Variants in DNAJB2 observed in about 807,000 individuals in gnomAD.
DNAJB2 encodes dnaJ homolog subfamily B member 2.
A neutral mutation model predicts 33.3 loss-of-function variants in DNAJB2; 19 were observed. The observed-to-expected ratio is 0.57, with a 90% CI of 0.40 to 0.84. The LOEUF (loss-of-function observed/expected upper bound fraction) is 0.84. Ranked by LOEUF, DNAJB2 falls within the 40% of genes least tolerant of loss-of-function variation. The pLI is 0.00. For missense variants in DNAJB2, 368 were observed against 430.9 expected (o/e 0.85, Z 1.29); for synonymous variants, 172 against 164.6 (o/e 1.04, Z -0.34).
chr2:219,283,395 C>G (rs1178957979), intron 7 of DNAJB2, 24 bp from the exon 8 acceptor site: 4 of 1,612,676 alleles, frequency 2.5e-6, no homozygotes, highest in Non-Finnish European at 3.4e-6. Flanking sequence ...CTGCTCGTTG[C>G]CTGAACTGTG....
intron 3 of DNAJB2, chr2:219,281,491 G>A (rs946741606): frequency 2.0e-5 from 12 of 585,788 alleles, no homozygotes; most frequent in East Asian, 2.8e-5. Context: ...AACCCTGTGC[G>A]GTAGGTGTTG....
chr2:219,282,398 G>C (rs1951913757), intron 5 of DNAJB2: 1 of 385,686 alleles, frequency 2.6e-6, no homozygotes, highest in Admixed American at 4.3e-5. Flanking sequence ...ATTTTTTAAT[G>C]ATAGATATGT....
At chr2:219,282,253 TG>T (rs1212744164) in intron 5 of DNAJB2, 192 bp downstream of exon 5, 1 of 723,932 alleles carries the variant, frequency 1.4e-6, no homozygotes, top group Non-Finnish European at 2.3e-6. Flanking sequence ...AATCCAACAG[TG>T]ACACTTCACA....
chr2:219,281,571 A>T, intron 3 of DNAJB2, 147 bp from the exon 4 acceptor site: 1 of 984,924 alleles, frequency 1.0e-6, no homozygotes, highest in Non-Finnish European at 1.5e-6. Flanking sequence ...CTAAACCTAT[A>T]GCCCGTGTCC....
chr2:219,286,315 G>A lies in DNAJB2; in HGVS notation c.*1328G>A. ...CATCTTGGGACATGTAGTAGCCCAG[G>A]TCGGCTTGTCACTCGCTGTGAGATG... On this transcript the variant is annotated 3_prime_UTR_variant, in exon 9 of 9. Transcript: ENST00000336576. 2.8e-6 allele frequency: 1 copy of A among 352,910 alleles called. No homozygotes were observed. Among genetic ancestry groups the A allele is most frequent in the Non-Finnish European group, 5.3e-6 (1 of 190,326 alleles). 21.9% of individuals were successfully genotyped at this position (352,910 alleles called of 1,614,324 possible). A position where few individuals can be genotyped will look rare whatever the true frequency, so the allele number is the denominator to read the frequency against.
At position 219,282,057 on chromosome 2, in the gene DNAJB2, C is replaced by G. The variant is rs1373489992; in HGVS notation, c.348C>G (p.Leu116=). ...GGAGTGGAGACCCTTTTGCAGAGCT[C>G]TTTGGTGAGTGGACTCTGGAAGCCT... is the stretch of plus-strand genomic sequence containing the variant. ...FFGSGDPFAE[L]FDDLGPFSEL... is the part of the protein sequence containing the mutation. Residue 116 remains leucine, a synonymous_variant, in exon 5 of 9, where the codon CTC becomes CTG. Transcript: ENST00000336576. 1.2e-6 allele frequency: 2 copies of G among 1,614,102 alleles called. No homozygotes were observed. Among genetic ancestry groups the G allele is most frequent in the South Asian group, 2.2e-5 (2 of 91,074 alleles).
rs1484661736 is a variant in DNAJB2, at chr2:219,284,710, G to A, written c.698G>A (p.Gly233Asp). The stretch of plus-strand genomic sequence containing the variant: ...CCGTCAGTCACTTCCAGGTCTGGGG[G>A]CACTCAGGTCCAGCAGACCCCTGCC... ...QQPSVTSRSG[G>D]TQVQQTPASC... Residue 233 changes from glycine to aspartate, a missense_variant, in exon 9 of 9, where the codon GGC (glycine) becomes GAC (aspartate). Coordinates refer to ENST00000336576, the MANE Select transcript of DNAJB2 (RefSeq NM_006736.6). The A allele has an allele frequency of 6.2e-7, 1 of 1,612,826 alleles. No individual in the cohort carries two copies. Among genetic ancestry groups the A allele is most frequent in the East Asian group, 2.2e-5 (1 of 44,862 alleles).
chr2:219,281,944 G>A lies in DNAJB2; in HGVS notation c.235G>A (p.Gly79Ser). The change falls in exon 5 of 9, where the codon GGC (glycine) becomes AGC (serine). Residue 79 changes from glycine (G) to serine (S), a missense_variant. Coordinates refer to ENST00000336576, the MANE Select transcript of DNAJB2 (RefSeq NM_006736.6). ...GREGLTGTGT[G>S]PSRAEAGSGG... ...TCCTCATCCTGCCTTTCCAGGAACTGGCCCATCTCGGGCAGAAGCTGGCAG... is the reference window on the plus strand; with the variant it reads ...TCCTCATCCTGCCTTTCCAGGAACTAGCCCATCTCGGGCAGAAGCTGGCAG... 4 of 1,614,106 alleles carry A rather than the reference G, an allele frequency of 2.5e-6. No individual in the cohort carries two copies. The highest frequency in any genetic ancestry group is 3.4e-6 in the Non-Finnish European group (4 of 1,180,020).
At chr2:219,280,523 T>C in intron 2 of DNAJB2, 55 bp from the exon 3 acceptor site, 1 of 1,424,544 alleles carries the variant, frequency 7.0e-7, no homozygotes, top group East Asian at 2.3e-5. Context: ...GGTTCCTGGG[T>C]GGGAAGTGCC....
Position 219,284,669 on chromosome 2 carries a change from C to T in DNAJB2, c.657C>T (p.Ser219=). 1 of 1,605,026 alleles carries T rather than the reference C, an allele frequency of 6.2e-7. No homozygotes were observed. The highest frequency in any genetic ancestry group is 8.5e-7 in the Non-Finnish European group (1 of 1,174,520). The part of the protein sequence containing the change: ...PDDLALGLEL[S]RREQQPSVTS... ...ACCTGGCACTGGGCTTGGAGCTGAGCCGTCGCGAGCAGCAGCCGTCAGTCA... is the reference window on the plus strand; with the variant it reads ...ACCTGGCACTGGGCTTGGAGCTGAGTCGTCGCGAGCAGCAGCCGTCAGTCA... Residue 219 remains serine (S), a synonymous_variant, in exon 9 of 9, where the codon AGC becomes AGT. Coordinates refer to ENST00000336576, the MANE Select transcript of DNAJB2 (RefSeq NM_006736.6).
chr2:219,280,696 C>G lies in DNAJB2; in HGVS notation c.175+9C>G, dbSNP rs776887529. 1 of 1,600,418 alleles carries G rather than the reference C, an allele frequency of 6.2e-7. No homozygotes were observed. The highest frequency in any genetic ancestry group is 2.2e-5 in the East Asian group (1 of 44,800). ...TGAAGTGCTGTCTGACAGTAAGGGC[C>G]GGGGTCAGGCAGGACCCAGCACATC... is the stretch of plus-strand genomic sequence containing the variant. On this transcript the variant is annotated intron_variant, in intron 3 of 8. Transcript: ENST00000336576.
Position 219,280,301 on chromosome 2 carries a change from C to G in DNAJB2, c.66-277C>G, listed in dbSNP as rs1195764544. 4 of 547,002 alleles carry G rather than the reference C, an allele frequency of 7.3e-6. No individual in the cohort carries two copies. The East Asian group carries it at 1.2e-4, about 17-fold the overall frequency. The allele number at this position is 547,002 out of a possible 1,614,324, so 33.9% of individuals were successfully genotyped here. A position where few individuals can be genotyped will look rare whatever the true frequency, so the allele number is the denominator to read the frequency against. ...GTACTCTTCGAGGCCACATGTGCCC[C>G]AACCTTTGCAGCCCCAGTCCAGTGA... is the stretch of plus-strand genomic sequence containing the variant. On this transcript the variant is annotated intron_variant, in intron 2 of 8. Transcript: ENST00000336576.
At position 219,284,953 on chromosome 2, in the gene DNAJB2, C is replaced by T. The variant is rs751591221; in HGVS notation, c.941C>T (p.Pro314Leu). ...RGEATKRSPS[P>L]EEKASRCLIL ...GAAGCAACCAAACGCAGTCCATCCC[C>T]AGAGGAGAAGGCCTCTCGCTGCCTC... Residue 314 changes from proline to leucine, a missense_variant, in exon 9 of 9, where the codon CCA becomes CTA. Coordinates refer to ENST00000336576, the MANE Select transcript of DNAJB2 (RefSeq NM_006736.6). 9.7e-6 allele frequency: 15 copies of T among 1,544,630 alleles called. No individual in the cohort carries two copies. The highest frequency in any genetic ancestry group is 1.4e-5 in the African/African-American group (1 of 73,444).
At chr2:219,280,149 CCCTCCTCCT>C (rs967688934) in intron 2 of DNAJB2, 2 of 539,552 alleles carry the variant, frequency 3.7e-6, no homozygotes, top group South Asian at 2.3e-5. Flanking sequence ...GTTGATCTTC[CCCTCCTCCT>C]CCTCCTCCTC....
At position 219,284,951 on chromosome 2, in the gene DNAJB2, C is replaced by T. The variant is rs1210858398; in HGVS notation, c.939C>T (p.Ser313=). The T allele has an allele frequency of 6.5e-7, 1 of 1,546,208 alleles. No homozygotes were observed. The highest frequency in any genetic ancestry group is 1.2e-5 in the South Asian group (1 of 81,880). The change falls in exon 9 of 9, where the codon TCC becomes TCT. Residue 313 remains serine, a synonymous_variant. Transcript: ENST00000336576. ...GTGAAGCAACCAAACGCAGTCCATC[C>T]CCAGAGGAGAAGGCCTCTCGCTGCC... ...ARGEATKRSP[S]PEEKASRCLI... is the part of the protein sequence containing the mutation.
At chr2:219,284,366 C>T (rs1951934805) in intron 8 of DNAJB2, among the ~76,000 whole-genome samples, 2 of 152,170 alleles carry the variant, frequency 1.3e-5, no homozygotes, top group Non-Finnish European at 2.9e-5. Flanking sequence ...CAGGCATGAG[C>T]CACTGTGCCC....
chr2:219,280,105 C>T (rs1211397397), intron 2 of DNAJB2: 2 of 597,750 alleles, frequency 3.3e-6, no homozygotes, highest in Non-Finnish European at 5.9e-6. Context: ...GTTAGTTCCT[C>T]TGGGAGCTGC....
At chr2:219,282,501 A>AAT (rs1383113429) in intron 5 of DNAJB2, 5 of 370,754 alleles carry the variant, frequency 1.3e-5, no homozygotes, top group Non-Finnish European at 1.5e-5. Context: ...AGGCACAGTT[A>AAT]ATAGCCCAGA....
intron 2 of DNAJB2, 141 bp downstream of exon 2, chr2:219,280,039 C>T (rs1272037080): frequency 1.3e-5 from 11 of 864,844 alleles, no homozygotes; most frequent in Non-Finnish European, 5.4e-6. Context: ...GTGACACCTG[C>T]AGGGAGGAAA....
Sources: gnomAD v4.1 joint callset for allele counts (sites outside exome capture counted in the v4.1 genomes callset) on GRCh38, gnomAD v4.1.1 for gene constraint, MANE v1.5 for transcripts, NCBI Gene and HGNC (gene_info 2026-07-23, HGNC 2026-07-21) for gene names.